Variants in OFD1 observed in about 807,000 individuals in gnomAD.
The protein encoded by OFD1 is centriole and centriolar satellite protein OFD1.
A neutral mutation model predicts 81.4 loss-of-function variants in OFD1; 12 were observed. The ratio of observed to expected loss-of-function variants is 0.15; its 90% CI spans 0.09 to 0.24. The LOEUF is 0.24. Among genes scored for constraint, OFD1 ranks in the 10% least tolerant of loss-of-function variants. OFD1 has a pLI of 1.00. For synonymous variants in OFD1, 256 were observed against 263.7 expected, an observed-to-expected ratio of 0.97 and a Z score of 0.28; for missense variants, 685 against 733.9, an observed-to-expected ratio of 0.93 and a Z score of 0.77.
rs766158020 is a variant in OFD1, at chrX:13,736,621, T to C, written c.255T>C (p.Cys85=). 2 of 1,210,408 alleles carry C rather than the reference T, an allele frequency of 1.7e-6. No homozygotes were observed. Among genetic ancestry groups the C allele is most frequent in the Middle Eastern group, 2.3e-4 (1 of 4,348 alleles). ...NSLVADHLQR[C]GYEYSLSVFF... Reference sequence around the variant, plus strand: ...TAGTGGCAGATCACTTACAAAGATGTGGCTATGAATATTCACTTTCTGTTT... The same window carrying C: ...TAGTGGCAGATCACTTACAAAGATGCGGCTATGAATATTCACTTTCTGTTT... Residue 85 remains cysteine, a synonymous_variant, in exon 3 of 23, where the codon TGT becomes TGC. Transcript: ENST00000340096.
chrX:13,747,560 A>G (rs2047342935), intron 8 of OFD1, among the ~76,000 whole-genome samples: 1 of 111,807 alleles, frequency 8.9e-6, no homozygotes, highest in African/African-American at 3.3e-5. Flanking sequence ...TCTCTTGGGT[A>G]GTGAAGGGAA....
At chrX:13,734,644 G>T (rs1424421881), upstream of OFD1, 1 of 891,651 alleles carries the variant, frequency 1.1e-6, no homozygotes, top group Non-Finnish European at 1.4e-6. Flanking sequence ...GTGCTCTCGC[G>T]ATACGTAGGC....
upstream of OFD1, among the ~76,000 whole-genome samples, chrX:13,730,303 C>G (rs143180463): frequency 2.3e-3 from 255 of 111,330 alleles, 1 homozygote; most frequent in African/African-American, 8.0e-3. Flanking sequence ...ATGCAGCCAA[C>G]AGACACATGA....
At position 13,760,637 on chromosome X, in the gene OFD1, G is replaced by C. The variant is rs750984782; in HGVS notation, c.2177G>C (p.Arg726Pro). 5.0e-6 allele frequency: 6 copies of C among 1,211,348 alleles called. No homozygotes were observed. Among genetic ancestry groups the C allele is most frequent in the Non-Finnish European group, 6.7e-6 (6 of 895,143 alleles). The change falls in exon 16 of 23, where the codon CGC (arginine) becomes CCC (proline). Residue 726 changes from arginine to proline, a missense_variant. Around this residue, in one of 3 missense-constraint regions of OFD1, gnomAD observed 259 missense variants for 254.4 expected, o/e 1.02. Coordinates refer to ENST00000340096, the MANE Select transcript of OFD1 (RefSeq NM_003611.3). ...ALTGSAASRL[R>P]GGTSSRRLSS... is the part of the protein sequence containing the mutation. ...ACAGGCAGTGCAGCCTCGAGGCTCC[G>C]CGGGGGCACTTCCTCCAGACGCCTC...
At chrX:13,740,700 G>A (rs778707033) in intron 5 of OFD1, among the ~76,000 whole-genome samples, 26 of 109,421 alleles carry the variant, frequency 2.4e-4, no homozygotes, top group Admixed American at 4.9e-4. Context: ...GGCTGAGGCA[G>A]GAGAATCGCT....
At chrX:13,755,303 A>G in intron 12 of OFD1, 61 bp downstream of exon 12, 1 of 830,167 alleles carries the variant, frequency 1.2e-6, no homozygotes, top group Middle Eastern at 2.8e-4. Context: ...AATTTTAGTC[A>G]TACATAATTT....
chrX:13,735,372 C>T, intron 2 of OFD1, 26 bp downstream of exon 2: 3 of 1,104,771 alleles, frequency 2.7e-6, no homozygotes, highest in Non-Finnish European at 3.8e-6. Context: ...GTATCTGTGT[C>T]AGCTTTTACA....
chrX:13,735,094 C>T lies in OFD1; in HGVS notation c.12+11C>T. On this transcript the variant is annotated intron_variant, in intron 1 of 22. Coordinates refer to ENST00000340096, the MANE Select transcript of OFD1 (RefSeq NM_003611.3). ...CTGATGATGGCGCAGGTAGACACAC[C>T]TGCCCCTTCTCGGGCGGAAATAAAG... 1 of 1,203,247 alleles carries T rather than the reference C, an allele frequency of 8.3e-7. No homozygotes were observed. The highest frequency in any genetic ancestry group is 1.1e-6 in the Non-Finnish European group (1 of 893,068).
the OFD1 span, chrX:13,720,617 A>T: frequency 8.9e-6 from 1 of 112,376 alleles, no homozygotes; most frequent in Admixed American, 9.4e-5. Context: ...AGCCTATGAT[A>T]TGCCTCTTTA....
At chrX:13,757,513 C>A in intron 13 of OFD1, 147 bp from the exon 14 acceptor site, 1 of 620,518 alleles carries the variant, frequency 1.6e-6, no homozygotes, top group Non-Finnish European at 2.4e-6. Context: ...TTGCTCTGAG[C>A]TCATTTAATA....
chrX:13,753,306 C>A, intron 10 of OFD1, 62 bp from the exon 11 acceptor site: 1 of 1,205,523 alleles, frequency 8.3e-7, no homozygotes. Context: ...AGCTCCTGCA[C>A]TGATAACAGT....
intron 8 of OFD1, among the ~76,000 whole-genome samples, chrX:13,748,006 C>T (rs1477270524): frequency 8.9e-6 from 1 of 111,870 alleles, no homozygotes; most frequent in Non-Finnish European, 1.9e-5. Flanking sequence ...ACATCCAGAA[C>T]TACTGCTGTC....
At chrX:13,759,545 A>G (rs1350818578) in intron 15 of OFD1, among the ~76,000 whole-genome samples, 1 of 111,733 alleles carries the variant, frequency 8.9e-6, no homozygotes, top group African/African-American at 3.3e-5. Flanking sequence ...AGTAAGCTTT[A>G]GTCCCCCCAT....
downstream of OFD1, chrX:13,772,833 G>A: frequency 1.7e-6 from 2 of 1,161,376 alleles, no homozygotes; most frequent in Non-Finnish European, 2.3e-6. Flanking sequence ...GCTGTCTGAT[G>A]ATTTGTCAGA....
chrX:13,734,954 GAGGCAGGGTTCTGA>G lies in OFD1; in HGVS notation c.-117_-104del, dbSNP rs1329741973. The G allele has an allele frequency of 2.6e-6, 3 of 1,136,275 alleles. No homozygotes were observed. The highest frequency in any genetic ancestry group is 2.3e-6 in the Non-Finnish European group (2 of 863,302). 93.6% of individuals were successfully genotyped at this position (1,136,275 alleles called of 1,213,427 possible). On this transcript the variant is annotated 5_prime_UTR_variant, in exon 1 of 23. Transcript: ENST00000340096. ...TTGTTCCTCCCGAACCCTCGGGACA[GAGGCAGGGTTCTGA>G]GGGCAGGGATTCCCCCTCGTCTTGG...
At chrX:13,736,751 A>G (rs1409392177) in intron 3 of OFD1, 73 bp downstream of exon 3, 19 of 795,502 alleles carry the variant, frequency 2.4e-5, no homozygotes, top group Non-Finnish European at 3.1e-5. Context: ...AAAGTGCTGT[A>G]TGATAGCTAA....
downstream of OFD1, chrX:13,772,499 C>T: frequency 7.5e-6 from 1 of 133,153 alleles, no homozygotes; most frequent in Non-Finnish European, 1.5e-5. Flanking sequence ...GGTCTTATCC[C>T]TTGATGCTGG....
At chrX:13,738,640 GA>G in intron 3 of OFD1, 2 of 379,782 alleles carry the variant, frequency 5.3e-6, no homozygotes, top group Non-Finnish European at 9.2e-6. Context: ...AGATGATAAA[GA>G]TATTTTATCC....
chrX:13,715,488 T>C, the OFD1 span: 1 of 115,130 alleles, frequency 8.7e-6, no homozygotes, highest in South Asian at 3.4e-4. Flanking sequence ...AAACATACTA[T>C]TGTTATCACT....
Sources: allele counts gnomAD v4.1 joint callset (sites outside exome capture counted in the v4.1 genomes callset), GRCh38; gene constraint gnomAD v4.1.1; regional missense constraint gnomAD v4.1.1; transcripts MANE v1.5; gene names NCBI Gene and HGNC (gene_info 2026-07-23, HGNC 2026-07-21).